Variants in TMCO5A observed in about 807,000 individuals in gnomAD.
TMCO5A encodes transmembrane and coiled-coil domains 5A, also known as transmembrane and coiled-coil domain-containing protein 5A.
Under a neutral mutation model 42.3 loss-of-function variants are expected in TMCO5A, and 34 were observed. The ratio of observed to expected loss-of-function variants is 0.80; its 90% CI spans 0.61 to 1.07. The LOEUF is 1.07. Among genes scored for constraint, TMCO5A ranks in the 50% least tolerant of loss-of-function variants. TMCO5A has a pLI of 0.00. For missense variants in TMCO5A, 357 were observed against 327.9 expected, an observed-to-expected ratio of 1.09 and a Z score of -0.69; for synonymous variants, 131 against 115.6, an observed-to-expected ratio of 1.13 and a Z score of -0.86.
At chr15:37,996,307 T>G in the TMCO5A span, among the ~76,000 whole-genome samples, 1 of 152,134 alleles carries the variant, frequency 6.6e-6, no homozygotes, top group African/African-American at 2.4e-5. Context: ...TTCTAATAAG[T>G]GTTGCTGGGA....
chr15:38,032,028 T>C, the TMCO5A span, among the ~76,000 whole-genome samples: 18 of 151,954 alleles, frequency 1.2e-4, no homozygotes, highest in Non-Finnish European at 2.4e-4. Context: ...TGATCTCGGC[T>C]CACCGCAACC....
chr15:37,984,534 T>TCTTGTTGA, the TMCO5A span, among the ~76,000 whole-genome samples: 1 of 152,206 alleles, frequency 6.6e-6, no homozygotes, highest in South Asian at 2.1e-4. Flanking sequence ...GCAAGTTGCT[T>TCTTGTTGA]CTTGTTGACT....
chr15:38,040,369 GC>G, the TMCO5A span: 1 of 152,182 alleles, frequency 6.6e-6, no homozygotes, highest in Admixed American at 6.5e-5. Flanking sequence ...AGTCTTGGAG[GC>G]ATTCTCTAGG....
At chr15:38,008,821 G>C in the TMCO5A span, among the ~76,000 whole-genome samples, 1 of 152,184 alleles carries the variant, frequency 6.6e-6, no homozygotes, top group East Asian at 1.9e-4. Flanking sequence ...TGCCATCCAA[G>C]TACCATCTTC....
chr15:37,977,835 T>G, the TMCO5A span, among the ~76,000 whole-genome samples: 1 of 152,196 alleles, frequency 6.6e-6, no homozygotes, highest in Admixed American at 6.5e-5. Flanking sequence ...CCCTTACCAA[T>G]CTGGGAGACT....
At chr15:38,008,138 G>A in the TMCO5A span, among the ~76,000 whole-genome samples, 2,718 of 151,558 alleles carry the variant, frequency 0.018, 76 homozygotes, top group African/African-American at 0.061. Context: ...CTCGTGATCT[G>A]CCCACCTTGG....
the TMCO5A span, among the ~76,000 whole-genome samples, chr15:37,988,972 G>A: frequency 6.6e-6 from 1 of 151,752 alleles, no homozygotes; most frequent in East Asian, 1.9e-4. Context: ...CAGGCCCAGG[G>A]TTTTCTTTAT....
At chr15:37,951,832 C>A (rs974600033), downstream of TMCO5A, among the ~76,000 whole-genome samples, 2 of 152,082 alleles carry the variant, frequency 1.3e-5, no homozygotes, top group African/African-American at 4.8e-5. Flanking sequence ...GTAGTTTTAA[C>A]TTCATATTGC....
the TMCO5A span, among the ~76,000 whole-genome samples, chr15:37,992,106 C>G: frequency 4.6e-5 from 7 of 152,008 alleles, no homozygotes; most frequent in Non-Finnish European, 1.0e-4. Flanking sequence ...ATGTATCTGA[C>G]AAAGGTCTAA....
the TMCO5A span, among the ~76,000 whole-genome samples, chr15:38,026,285 A>G: frequency 1.3e-5 from 2 of 152,130 alleles, no homozygotes; most frequent in African/African-American, 4.8e-5. Context: ...GTCCAGGCTG[A>G]GGTGGTCTCA....
intron 10 of TMCO5A, 66 bp downstream of exon 10, chr15:37,943,464 A>G: frequency 6.6e-7 from 1 of 1,507,620 alleles, no homozygotes; most frequent in Non-Finnish European, 9.2e-7. Flanking sequence ...TCTCCAGCAA[A>G]CTATAAGGCA....
chr15:37,972,990 C>T, the TMCO5A span, among the ~76,000 whole-genome samples: 1 of 152,300 alleles, frequency 6.6e-6, no homozygotes, highest in Non-Finnish European at 1.5e-5. Context: ...TAATCTTCTT[C>T]ACAGGGCTAA....
At chr15:38,021,749 T>C in the TMCO5A span, among the ~76,000 whole-genome samples, 1 of 152,130 alleles carries the variant, frequency 6.6e-6, no homozygotes, top group South Asian at 2.1e-4. Flanking sequence ...TATTAACTTT[T>C]TAATTTTTTT....
the TMCO5A span, among the ~76,000 whole-genome samples, chr15:38,028,333 A>T: frequency 6.6e-6 from 1 of 152,202 alleles, no homozygotes; most frequent in Non-Finnish European, 1.5e-5. Context: ...TTTGTTAAAG[A>T]TGGCTCAAGT....
Position 37,936,432 on chromosome 15 carries a change from A to C in TMCO5A, c.109A>C (p.Lys37Gln). 1 of 1,613,060 alleles carries C rather than the reference A, an allele frequency of 6.2e-7. No individual in the cohort carries two copies. Among genetic ancestry groups the C allele is most frequent in the Non-Finnish European group, 8.5e-7 (1 of 1,179,418 alleles). Reference sequence around the variant, plus strand: ...TGAAGCAAATCAGAAACTTCTTCTCAAAATCCAAGAGAGGGAAGATAAGAT... The same window carrying C: ...TGAAGCAAATCAGAAACTTCTTCTCCAAATCCAAGAGAGGGAAGATAAGAT... ...IDEANQKLLL[K>Q]IQEREDKIQR... The change falls in exon 3 of 12, where the codon AAA (lysine) becomes CAA (glutamine). Residue 37 changes from lysine (K) to glutamine (Q), a missense_variant. Transcript: ENST00000319669.
At chr15:37,993,241 T>A in the TMCO5A span, among the ~76,000 whole-genome samples, 2 of 152,124 alleles carry the variant, frequency 1.3e-5, no homozygotes, top group African/African-American at 2.4e-5. Context: ...TGTTTTTTTT[T>A]AAATGGGGGC....
the TMCO5A span, among the ~76,000 whole-genome samples, chr15:38,034,509 C>T: frequency 2.0e-5 from 3 of 152,242 alleles, no homozygotes; most frequent in Admixed American, 6.5e-5. Flanking sequence ...TTTAAAATAT[C>T]GAAACGATGA....
chr15:38,015,754 A>G, the TMCO5A span, among the ~76,000 whole-genome samples: 1 of 152,194 alleles, frequency 6.6e-6, no homozygotes, highest in East Asian at 1.9e-4. Flanking sequence ...TCAAGTCATA[A>G]AAAGAGATGG....
the TMCO5A span, among the ~76,000 whole-genome samples, chr15:38,019,058 TGA>T: frequency 6.6e-6 from 1 of 152,122 alleles, no homozygotes; most frequent in Non-Finnish European, 1.5e-5. Flanking sequence ...CCATATATTC[TGA>T]GAGAGAAATA....
Sources: gnomAD v4.1 joint callset for allele counts (sites outside exome capture counted in the v4.1 genomes callset) on GRCh38, gnomAD v4.1.1 for gene constraint, MANE v1.5 for transcripts, NCBI Gene and HGNC (gene_info 2026-07-23, HGNC 2026-07-21) for gene names.